NUP160: variants seen among roughly 807,000 people sequenced by gnomAD.
NUP160 encodes the protein nuclear pore complex protein Nup160.
NUP160 carries 94 observed loss-of-function variants against 196.9 expected under a neutral mutation model. That is an observed-to-expected ratio of 0.48 (90% CI 0.40 to 0.57). NUP160 has a LOEUF of 0.57. Among genes scored for constraint, NUP160 ranks in the 20% least tolerant of loss-of-function variants. NUP160 has a pLI of 0.00. For synonymous variants in NUP160, 605 were observed against 619.7 expected (o/e 0.98, Z 0.35); for missense variants, 1,638 against 1,748.3 (o/e 0.94, Z 1.13).
At chr11:47,799,198 G>GCCTCAGC (rs1288088106) in intron 23 of NUP160, among the ~76,000 whole-genome samples, 4 of 151,480 alleles carry the variant, frequency 2.6e-5, no homozygotes, top group Non-Finnish European at 5.9e-5. Context: ...TGATTCTCCT[G>GCCTCAGC]CCTCAGCCTC....
chr11:47,824,008 CAT>C (rs58246222), intron 7 of NUP160, among the ~76,000 whole-genome samples: 2,849 of 72,658 alleles, frequency 0.039, 23 homozygotes, highest in African/African-American at 0.051. Flanking sequence ...AATTCTTTTG[CAT>C]ATATATATAT....
exon 15 of NUP160, chr11:47,812,885 T>C: frequency 2.5e-6 from 4 of 1,610,846 alleles, no homozygotes; most frequent in Non-Finnish European, 3.4e-6. Flanking sequence ...TCCTTACACA[T>C]CAATAGTGAT....
chr11:47,814,454 T>C (rs2097683101), intron 13 of NUP160, among the ~76,000 whole-genome samples: 1 of 150,712 alleles, frequency 6.6e-6, no homozygotes. Flanking sequence ...GGCAGGAGAA[T>C]CGCTTGAACT....
At chr11:47,782,301 AAAATATATATATATAT>A (rs1389270758) in intron 34 of NUP160, among the ~76,000 whole-genome samples, 4 of 44,974 alleles carry the variant, frequency 8.9e-5, no homozygotes, top group Admixed American at 2.3e-4. Context: ...AAAAAAAAAA[AAAATATATATATATAT>A]ATATATATAT....
chr11:47,848,476 T>A, upstream of NUP160: 2 of 1,362,680 alleles, frequency 1.5e-6, no homozygotes, highest in Non-Finnish European at 2.0e-6. Flanking sequence ...ACCGGGAGAA[T>A]GAGGGTGGGC....
At chr11:47,839,883 C>T (rs1599349067) in exon 4 of NUP160, 1 of 1,614,092 alleles carries the variant, frequency 6.2e-7, no homozygotes, top group Non-Finnish European at 8.5e-7. Context: ...CAAAGATTCC[C>T]CCAGAAGCAC....
chr11:47,824,818 T>G (rs941560711), intron 7 of NUP160, among the ~76,000 whole-genome samples: 3 of 151,638 alleles, frequency 2.0e-5, no homozygotes, highest in Admixed American at 2.0e-4. Context: ...TCTTTTGTTT[T>G]TTTTTTTCAC....
chr11:47,813,021 A>G (rs141302168), exon 15 of NUP160: 2 of 1,610,986 alleles, frequency 1.2e-6, no homozygotes, highest in Non-Finnish European at 1.7e-6. Flanking sequence ...TTTATAAGAC[A>G]TATGACATCC....
chr11:47,781,444 T>A (rs148861798), intron 34 of NUP160, among the ~76,000 whole-genome samples: 372 of 152,080 alleles, frequency 2.4e-3, no homozygotes, highest in Middle Eastern at 0.014. Flanking sequence ...TTTCTATTTT[T>A]TGTAGATAAA....
chr11:47,799,536 G>A (rs2097672934), intron 23 of NUP160, among the ~76,000 whole-genome samples: 1 of 152,024 alleles, frequency 6.6e-6, no homozygotes, highest in Non-Finnish European at 1.5e-5. Context: ...AAAATAAAAA[G>A]TTTTAAAATT....
exon 15 of NUP160, chr11:47,812,911 C>T (rs1299415794): frequency 1.2e-6 from 2 of 1,613,312 alleles, no homozygotes; most frequent in Admixed American, 1.7e-5. Context: ...CTTCCAGAAT[C>T]TGCTCTGCAG....
chr11:47,825,351 C>T (rs945679839), intron 7 of NUP160, among the ~76,000 whole-genome samples: 11 of 150,818 alleles, frequency 7.3e-5, no homozygotes, highest in East Asian at 2.0e-4. Context: ...GGTGTGATCT[C>T]GGCTCACTGC....
chr11:47,821,873 T>C lies in NUP160; in HGVS notation c.1180-52A>G, dbSNP rs1003365242. 4 of 1,399,036 alleles carry C rather than the reference T, an allele frequency of 2.9e-6. No homozygotes were observed. In the Admixed American group the frequency reaches 6.8e-5, roughly 24 times the overall value. 86.7% of individuals were successfully genotyped at this position (1,399,036 alleles called of 1,614,324 possible). On this transcript the variant is annotated intron_variant, in intron 8 of 35. Coordinates refer to ENST00000378460, the Ensembl canonical transcript of NUP160. ...GATAAAATAAGAAAGAAAGTAGTAG[T>C]TCACGGTGACTTACTTTTTCATCAG...
chr11:47,837,023 T>C (rs1852190140), intron 5 of NUP160, 22 bp from the exon 6 acceptor site: 1 of 1,420,554 alleles, frequency 7.0e-7, no homozygotes, highest in Non-Finnish European at 9.9e-7. Context: ...GACCCAGTTT[T>C]AGAGTTTTAC....
Position 47,797,899 on chromosome 11 carries a change from G to GCAATCA in NUP160, c.3184-21_3184-16dup. Reference sequence around the variant, plus strand: ...ATTCCCACAACCTAGGGAAGGGGAAGCAATCAGATAACTAAGTCAGTAGCA... The same window carrying GCAATCA: ...ATTCCCACAACCTAGGGAAGGGGAAGCAATCACAATCAGATAACTAAGTCAGTAGCA... On this transcript the variant is annotated splice_polypyrimidine_tract_variant and intron_variant, in intron 26 of 35. Transcript: ENST00000378460. 1 of 1,595,958 alleles carries GCAATCA rather than the reference G, an allele frequency of 6.3e-7. No individual in the cohort carries two copies. The highest frequency in any genetic ancestry group is 8.6e-7 in the Non-Finnish European group (1 of 1,165,364).
chr11:47,788,644 A>G (rs1445241779), intron 29 of NUP160, 33 bp from the exon 30 acceptor site: 1 of 1,382,088 alleles, frequency 7.2e-7, no homozygotes, highest in Non-Finnish European at 1.0e-6. Flanking sequence ...TTGAACTCCC[A>G]AAATACAAAG....
At position 47,848,301 on chromosome 11, in the gene NUP160, G is replaced by A. The variant is rs375040304; in HGVS notation, c.120C>T (p.Ala40=). The change falls in exon 1 of 36, where the codon GCC becomes GCT. Residue 40 remains alanine, a synonymous_variant. Transcript: ENST00000378460. ...TTAGCTCCACGAAGCTCCGTTCCAG[G>A]GCTCCCGCCGCCGCCATCTTCCCGC... The A allele has an allele frequency of 2.7e-5, 44 of 1,613,864 alleles. No individual in the cohort carries two copies. The African/African-American group carries it at 5.2e-4, about 19-fold the overall frequency.
rs766123187 is a variant in NUP160, at chr11:47,800,387, G to GT, written c.2895+1423dup. ...ATTGTCATTAGTAGGAAAGTAGAGG[G>GT]TTTTTTTCTTTTTTTTTTTTGAGGT... On this transcript the variant is annotated intron_variant, in intron 23 of 35. Coordinates refer to ENST00000378460, the Ensembl canonical transcript of NUP160. Among the ~76,000 whole-genome samples the GT allele has an allele frequency of 4.4e-4, 67 of 151,492 alleles. No homozygotes were observed. The East Asian group carries it at 9.1e-3, about 21-fold the overall frequency.
At chr11:47,824,177 G>C (rs1851922687) in intron 7 of NUP160, among the ~76,000 whole-genome samples, 1 of 151,320 alleles carries the variant, frequency 6.6e-6, no homozygotes, top group African/African-American at 2.4e-5. Context: ...CAATGTACAA[G>C]AGTTCTGATT....
Sources: gnomAD v4.1 joint callset for allele counts (sites outside exome capture counted in the v4.1 genomes callset) on GRCh38, gnomAD v4.1.1 for gene constraint, MANE v1.5 for transcripts, NCBI Gene and HGNC (gene_info 2026-07-23, HGNC 2026-07-21) for gene names.